EYA1: variants seen among roughly 807,000 people sequenced by gnomAD.
The protein encoded by EYA1 is EYA transcriptional coactivator and phosphatase 1, also known as protein phosphatase EYA1.
A neutral mutation model predicts 82.0 loss-of-function variants in EYA1; 16 were observed. The observed-to-expected ratio is 0.20, with a 90% CI of 0.13 to 0.30. EYA1 has a LOEUF of 0.30. EYA1 is among the 10% of genes least tolerant of loss of function. The pLI is 1.00. For synonymous variants in EYA1, 261 were observed against 264.4 expected (o/e 0.99, Z 0.12); for missense variants, 633 against 730.7 (o/e 0.87, Z 1.54).
At chr8:71,253,794 G>A (rs1814042241) in intron 11 of EYA1, among the ~76,000 whole-genome samples, 1 of 152,172 alleles carries the variant, frequency 6.6e-6, no homozygotes, top group Non-Finnish European at 1.5e-5. Flanking sequence ...CTCAGCATGA[G>A]TCACTCAAGA....
intron 2 of EYA1, among the ~76,000 whole-genome samples, chr8:71,422,646 G>A (rs1469596307): frequency 1.3e-5 from 2 of 152,068 alleles, no homozygotes; most frequent in Non-Finnish European, 2.9e-5. Flanking sequence ...AGCATGGCTG[G>A]GGAGGCCTCA....
chr8:71,300,193 A>G (rs1195358316), intron 7 of EYA1, among the ~76,000 whole-genome samples: 1 of 152,224 alleles, frequency 6.6e-6, no homozygotes, highest in Non-Finnish European at 1.5e-5. Flanking sequence ...AAGCCATTTC[A>G]TTTCACAGAA....
At chr8:71,537,973 A>G (rs1228922237) in intron 1 of EYA1, among the ~76,000 whole-genome samples, 1 of 152,228 alleles carries the variant, frequency 6.6e-6, no homozygotes, top group Non-Finnish European at 1.5e-5. Context: ...GTCAGCATTC[A>G]TCGACTTCAG....
At chr8:71,494,892 G>A (rs992743160) in intron 2 of EYA1, among the ~76,000 whole-genome samples, 3 of 152,010 alleles carry the variant, frequency 2.0e-5, no homozygotes, top group East Asian at 1.9e-4. Flanking sequence ...AAACGGAACT[G>A]TAAGTTTTAA....
At chr8:71,356,971 G>A (rs754488105) in intron 1 of EYA1, among the ~76,000 whole-genome samples, 1 of 152,116 alleles carries the variant, frequency 6.6e-6, no homozygotes, top group Non-Finnish European at 1.5e-5. Flanking sequence ...TAGAGCTCCC[G>A]CCCACCCCTT....
intron 11 of EYA1, among the ~76,000 whole-genome samples, chr8:71,255,543 A>G (rs1460100569): frequency 1.3e-5 from 2 of 152,210 alleles, no homozygotes; most frequent in Non-Finnish European, 2.9e-5. Context: ...GGATATCCAC[A>G]TGCAAAAAAT....
At chr8:71,383,963 CAGTGA>C (rs1283198516) in intron 2 of EYA1, among the ~76,000 whole-genome samples, 1 of 151,778 alleles carries the variant, frequency 6.6e-6, no homozygotes, top group African/African-American at 2.4e-5. Context: ...CAAAAATTTA[CAGTGA>C]AGTAATATTC....
At chr8:71,472,056 A>G (rs1312508950) in intron 2 of EYA1, among the ~76,000 whole-genome samples, 2 of 152,152 alleles carry the variant, frequency 1.3e-5, no homozygotes, top group Non-Finnish European at 2.9e-5. Context: ...TCATAAAAGC[A>G]AAGATCATTT....
chr8:71,393,779 C>T (rs982345740), intron 2 of EYA1, among the ~76,000 whole-genome samples: 2 of 152,274 alleles, frequency 1.3e-5, no homozygotes, highest in Admixed American at 6.5e-5. Flanking sequence ...TTAATAGCAG[C>T]ATGATTTATA....
intron 2 of EYA1, among the ~76,000 whole-genome samples, chr8:71,502,156 T>A (rs980807125): frequency 6.6e-6 from 1 of 152,208 alleles, no homozygotes; most frequent in African/African-American, 2.4e-5. Context: ...CTTCAGATAA[T>A]GCAATACCAG....
intron 10 of EYA1, among the ~76,000 whole-genome samples, chr8:71,270,833 T>C (rs192563100): frequency 3.5e-4 from 53 of 152,246 alleles, no homozygotes; most frequent in Admixed American, 3.5e-3. Context: ...TCAAAGTAGA[T>C]TTTATGGCTG....
intron 4 of EYA1, among the ~76,000 whole-genome samples, chr8:71,327,390 G>A (rs181693476): frequency 3.0e-4 from 45 of 152,266 alleles, no homozygotes; most frequent in African/African-American, 9.4e-4. Context: ...AATATCACCA[G>A]ACATCAACTA....
At chr8:71,367,552 GAAAA>G (rs3066860) in intron 2 of EYA1, among the ~76,000 whole-genome samples, 4 of 135,676 alleles carry the variant, frequency 2.9e-5, no homozygotes, top group Non-Finnish European at 1.6e-5. Context: ...TCCCAAATCG[GAAAA>G]AAAAAAAAAA....
At chr8:71,532,853 C>G (rs564649626) in intron 2 of EYA1, among the ~76,000 whole-genome samples, 1 of 152,140 alleles carries the variant, frequency 6.6e-6, no homozygotes, top group African/African-American at 2.4e-5. Context: ...TTTACAGATG[C>G]AAAAATCAAG....
intron 2 of EYA1, among the ~76,000 whole-genome samples, chr8:71,355,625 G>T (rs1422901579): frequency 2.0e-5 from 3 of 152,278 alleles, no homozygotes; most frequent in African/African-American, 7.2e-5. Context: ...CATACAGTGG[G>T]TCCCTGCAAG....
chr8:71,302,464 A>G (rs1286884233), intron 7 of EYA1, among the ~76,000 whole-genome samples: 5 of 152,010 alleles, frequency 3.3e-5, no homozygotes. Context: ...AAGACTGTAC[A>G]TTAGCTGGAA....
intron 1 of EYA1, chr8:71,535,979 A>G (rs958405647): frequency 1.3e-5 from 5 of 392,878 alleles, no homozygotes; most frequent in Non-Finnish European, 4.5e-6. Context: ...TCACTGAATG[A>G]GTCTTTAAAA....
intron 2 of EYA1, among the ~76,000 whole-genome samples, chr8:71,437,549 C>T (rs879437671): frequency 2.0e-5 from 3 of 152,028 alleles, no homozygotes; most frequent in Non-Finnish European, 4.4e-5. Flanking sequence ...ATAGGCATTT[C>T]ATGTGGTATA....
intron 2 of EYA1, among the ~76,000 whole-genome samples, chr8:71,444,050 A>G (rs2129172831): frequency 6.6e-6 from 1 of 152,344 alleles, no homozygotes; most frequent in Middle Eastern, 3.4e-3. Context: ...CTACCGACTG[A>G]GTGAATGGTT....
Sources: allele counts gnomAD v4.1 joint callset (sites outside exome capture counted in the v4.1 genomes callset), GRCh38; gene constraint gnomAD v4.1.1; transcripts MANE v1.5; gene names NCBI Gene and HGNC (gene_info 2026-07-23, HGNC 2026-07-21).